Variants in SLC24A2 observed in about 807,000 individuals in gnomAD.
SLC24A2 encodes the protein solute carrier family 24 member 2.
In SLC24A2, 36 loss-of-function variants were observed where a neutral mutation model predicts 62.0. The ratio of observed to expected loss-of-function variants is 0.58; its 90% CI spans 0.44 to 0.77. The LOEUF (loss-of-function observed/expected upper bound fraction) is 0.77, where lower values mean the gene tolerates loss of function less well. Among genes scored for constraint, SLC24A2 ranks in the 30% least tolerant of loss-of-function variants. SLC24A2 has a pLI of 0.00. For synonymous variants in SLC24A2, 358 were observed against 294.0 expected (o/e 1.22, Z -2.23); for missense variants, 846 against 817.9 (o/e 1.03, Z -0.42).
intron 2 of SLC24A2, among the ~76,000 whole-genome samples, chr9:19,745,455 T>A (rs996722308): frequency 6.6e-6 from 1 of 152,140 alleles, no homozygotes; most frequent in South Asian, 2.1e-4. Context: ...ATCAGCATTG[T>A]CTGGGGGACC....
At chr9:19,956,705 C>G in the SLC24A2 span, among the ~76,000 whole-genome samples, 11 of 152,116 alleles carry the variant, frequency 7.2e-5, no homozygotes, top group Non-Finnish European at 1.5e-4. Flanking sequence ...GGGAAAGACC[C>G]GCCTCCATGA....
the SLC24A2 span, among the ~76,000 whole-genome samples, chr9:20,045,433 T>C: frequency 7.9e-5 from 12 of 152,118 alleles, no homozygotes; most frequent in African/African-American, 2.6e-4. Flanking sequence ...TTATTATTAT[T>C]ATTATCATTA....
the SLC24A2 span, among the ~76,000 whole-genome samples, chr9:20,283,808 C>A: frequency 6.6e-6 from 1 of 151,598 alleles, no homozygotes; most frequent in African/African-American, 2.4e-5. Flanking sequence ...CTCTTTCCCA[C>A]GAAAGGTGTA....
In SLC24A2 at chr9:19,550,277, G is replaced by A. The variant is rs778281869; in HGVS notation, c.1348-9C>T. On this transcript the variant is annotated splice_polypyrimidine_tract_variant and intron_variant, in intron 7 of 10. Coordinates refer to ENST00000341998, the MANE Select transcript of SLC24A2 (RefSeq NM_020344.4). ...TCCTCCTCATCAGCGGTCTGTGGTAGAAAAAGAGGTAAAATTAAACAAACA... is the reference window on the plus strand; with the variant it reads ...TCCTCCTCATCAGCGGTCTGTGGTAAAAAAAGAGGTAAAATTAAACAAACA... 6.2e-7 allele frequency: 1 copy of A among 1,613,734 alleles called. No homozygotes were observed. The highest frequency in any genetic ancestry group is 1.3e-5 in the African/African-American group (1 of 74,998).
chr9:20,258,600 T>C, the SLC24A2 span, among the ~76,000 whole-genome samples: 1 of 152,220 alleles, frequency 6.6e-6, no homozygotes, highest in Non-Finnish European at 1.5e-5. Context: ...CTGGGACTCA[T>C]ACCAGCAGCC....
the SLC24A2 span, among the ~76,000 whole-genome samples, chr9:19,883,239 C>T: frequency 1.3e-5 from 2 of 152,128 alleles, no homozygotes; most frequent in East Asian, 1.9e-4. Flanking sequence ...CCAATCTAAA[C>T]CATTTTATCT....
At chr9:19,541,646 C>G (rs1177263326) in intron 8 of SLC24A2, among the ~76,000 whole-genome samples, 1 of 148,352 alleles carries the variant, frequency 6.7e-6, no homozygotes, top group South Asian at 2.2e-4. Context: ...GCAGAGGTTA[C>G]TGCTGTCTTT....
chr9:19,854,033 G>C, the SLC24A2 span, among the ~76,000 whole-genome samples: 1 of 152,122 alleles, frequency 6.6e-6, no homozygotes, highest in African/African-American at 2.4e-5. Context: ...AGTCTTGGGA[G>C]GGTGTATGTG....
chr9:19,970,128 C>T, the SLC24A2 span, among the ~76,000 whole-genome samples: 1 of 152,274 alleles, frequency 6.6e-6, no homozygotes, highest in Non-Finnish European at 1.5e-5. Flanking sequence ...CTCACTGCCC[C>T]CATCACCCCT....
At chr9:19,934,289 C>G in the SLC24A2 span, among the ~76,000 whole-genome samples, 6 of 152,170 alleles carry the variant, frequency 3.9e-5, no homozygotes, top group Admixed American at 3.9e-4. The surrounding 1 kb of genome is among the most constrained non-coding windows in gnomAD (Gnocchi z 4.1). Flanking sequence ...TCATTTTATC[C>G]GTCCCCTTCC....
At chr9:20,054,028 T>C in the SLC24A2 span, among the ~76,000 whole-genome samples, 1 of 152,232 alleles carries the variant, frequency 6.6e-6, no homozygotes, top group Non-Finnish European at 1.5e-5. Flanking sequence ...CTGAGCCTGT[T>C]GCTGCTCTTA....
intron 2 of SLC24A2, among the ~76,000 whole-genome samples, chr9:19,772,085 C>T (rs905540136): frequency 8.5e-5 from 13 of 152,174 alleles, no homozygotes; most frequent in East Asian, 1.9e-4. Flanking sequence ...GATTTTATGA[C>T]GAGAAAGTCT....
chr9:19,533,039 G>C (rs183533662), intron 8 of SLC24A2, among the ~76,000 whole-genome samples: 1 of 152,234 alleles, frequency 6.6e-6, no homozygotes, highest in African/African-American at 2.4e-5. Context: ...TAAGTGTAAA[G>C]CCCATATTAA....
chr9:20,159,855 C>T, the SLC24A2 span, among the ~76,000 whole-genome samples: 28,083 of 151,226 alleles, frequency 0.19, 3,498 homozygotes, highest in East Asian at 0.57. Flanking sequence ...TTAAAATATA[C>T]AAAGAAGTCA....
At chr9:19,568,680 C>T (rs1470811184) in intron 7 of SLC24A2, among the ~76,000 whole-genome samples, 1 of 152,198 alleles carries the variant, frequency 6.6e-6, no homozygotes, top group Admixed American at 6.5e-5. Context: ...TCAGGTGGTC[C>T]ATCCTCAGAG....
At chr9:20,080,305 T>A in the SLC24A2 span, among the ~76,000 whole-genome samples, 1 of 152,108 alleles carries the variant, frequency 6.6e-6, no homozygotes, top group Admixed American at 6.5e-5. Flanking sequence ...CAGAACAGAG[T>A]GCTCAGAAAT....
chr9:20,298,232 C>CT, the SLC24A2 span, among the ~76,000 whole-genome samples: 1 of 152,092 alleles, frequency 6.6e-6, no homozygotes, highest in African/African-American at 2.4e-5. Flanking sequence ...GATTAATTTT[C>CT]TTTTTTATTT....
At chr9:19,850,971 A>T in the SLC24A2 span, among the ~76,000 whole-genome samples, 1 of 47,002 alleles carries the variant, frequency 2.1e-5, no homozygotes, top group African/African-American at 9.2e-5. Context: ...ATATATGTAT[A>T]TATATATATA....
chr9:20,072,604 A>T, the SLC24A2 span, among the ~76,000 whole-genome samples: 1 of 152,132 alleles, frequency 6.6e-6, no homozygotes, highest in African/African-American at 2.4e-5. Flanking sequence ...ATTAAGTCAG[A>T]TATCTTGAGA....
Sources: gnomAD v4.1 joint callset for allele counts (sites outside exome capture counted in the v4.1 genomes callset) on GRCh38, gnomAD v4.1.1 for gene constraint, Gnocchi (gnomAD v3.1) non-coding constraint, MANE v1.5 for transcripts, NCBI Gene and HGNC (gene_info 2026-07-23, HGNC 2026-07-21) for gene names.